The following SYN2 variants were observed in gnomAD, a reference collection of about 807,000 sequenced individuals.
The protein encoded by SYN2 is synapsin-2.
Under a neutral mutation model 50.9 loss-of-function variants are expected in SYN2, and 19 were observed. That is an observed-to-expected ratio of 0.37 (90% CI 0.26 to 0.55). The LOEUF (loss-of-function observed/expected upper bound fraction) is 0.55. Ranked by LOEUF, SYN2 falls within the 20% of genes least tolerant of loss-of-function variation. SYN2 has a pLI of 0.81. For missense variants in SYN2, 587 were observed against 576.4 expected (o/e 1.02, Z -0.19); for synonymous variants, 255 against 224.9 (o/e 1.13, Z -1.20).
intron 1 of SYN2, among the ~76,000 whole-genome samples, chr3:12,068,015 C>T (rs1342573321): frequency 1.3e-5 from 2 of 152,192 alleles, no homozygotes; most frequent in East Asian, 3.9e-4. Flanking sequence ...GCTGTGATTA[C>T]ATCACTGCAC....
At chr3:12,159,914 A>G (rs1330031491) in intron 5 of SYN2, among the ~76,000 whole-genome samples, 2 of 151,968 alleles carry the variant, frequency 1.3e-5, no homozygotes, top group Non-Finnish European at 2.9e-5. Context: ...GTGGTGGCCT[A>G]CACCTGTAGT....
intron 10 of SYN2, 121 bp from the exon 11 acceptor site, chr3:12,183,191 C>A: frequency 7.4e-7 from 1 of 1,357,896 alleles, no homozygotes. Flanking sequence ...GGCCAGATCC[C>A]ACTGGATCCC....
chr3:12,024,826 G>C (rs1443782538), intron 1 of SYN2, among the ~76,000 whole-genome samples: 1 of 152,118 alleles, frequency 6.6e-6, no homozygotes, highest in Non-Finnish European at 1.5e-5. Flanking sequence ...CTGGGTTATA[G>C]GGCATATGTA....
intron 1 of SYN2, among the ~76,000 whole-genome samples, chr3:12,097,461 C>T (rs1446778436): frequency 6.6e-6 from 1 of 152,022 alleles, no homozygotes; most frequent in African/African-American, 2.4e-5. Context: ...AAAAAATTGG[C>T]CGGGTGTGGT....
intron 1 of SYN2, among the ~76,000 whole-genome samples, chr3:12,106,648 G>T (rs1255184798): frequency 2.0e-5 from 3 of 152,030 alleles, no homozygotes; most frequent in African/African-American, 7.3e-5. Context: ...CTAGTCTCTA[G>T]CATAGTATAT....
intron 1 of SYN2, among the ~76,000 whole-genome samples, chr3:12,129,990 G>A (rs1432707463): frequency 6.6e-6 from 1 of 152,114 alleles, no homozygotes; most frequent in Admixed American, 6.5e-5. Flanking sequence ...ACACAGAGAA[G>A]GCAGCTGCAA....
intron 1 of SYN2, among the ~76,000 whole-genome samples, chr3:12,099,230 A>G (rs889157602): frequency 2.0e-5 from 3 of 152,212 alleles, no homozygotes; most frequent in South Asian, 2.1e-4. Flanking sequence ...AGAAATATCT[A>G]TAGAACACCC....
intron 5 of SYN2, among the ~76,000 whole-genome samples, chr3:12,160,348 A>T (rs997198651): frequency 6.6e-6 from 1 of 152,148 alleles, no homozygotes; most frequent in Non-Finnish European, 1.5e-5. Context: ...TCTTCTTCCC[A>T]TCCTTGGCTG....
chr3:12,050,408 C>T (rs1024043571), intron 1 of SYN2, among the ~76,000 whole-genome samples: 6 of 140,792 alleles, frequency 4.3e-5, no homozygotes, highest in South Asian at 2.3e-4. Flanking sequence ...TGCAGTGGTA[C>T]GATCTTGGCT....
intron 1 of SYN2, among the ~76,000 whole-genome samples, chr3:12,067,339 G>A (rs1047610964): frequency 6.6e-6 from 1 of 152,004 alleles, no homozygotes; most frequent in Non-Finnish European, 1.5e-5. Flanking sequence ...AACTCTATAT[G>A]AGAGGTAAAC....
intron 1 of SYN2, among the ~76,000 whole-genome samples, chr3:12,014,728 T>C (rs901596413): frequency 2.6e-5 from 4 of 152,182 alleles, no homozygotes. Flanking sequence ...AAAAGTTCCT[T>C]TGGGCTATTG....
chr3:12,161,182 A>C (rs1697637778), intron 5 of SYN2, among the ~76,000 whole-genome samples: 1 of 152,264 alleles, frequency 6.6e-6, no homozygotes, highest in African/African-American at 2.4e-5. Context: ...AGGTTTATTA[A>C]AGTACATCTA....
rs189756925 is a variant in SYN2, at chr3:12,034,602, G to A, written c.377+29674G>A. Among the ~76,000 whole-genome samples the A allele has an allele frequency of 4.9e-4, 74 of 152,272 alleles. 1 individual carries two copies. The highest frequency in any genetic ancestry group is 1.8e-3 in the African/African-American group (73 of 41,552). On this transcript the variant is annotated intron_variant, in intron 1 of 12. Coordinates refer to ENST00000621198, the MANE Select transcript of SYN2 (RefSeq NM_133625.6). ...GCCTTTTGGCTGCATCATAACATGG[G>A]GGAAGGCATGACATGGCATTACATT...
rs547694573 is a variant in SYN2 at position 12,176,418 on chromosome 3, G to A, written c.1308+6512G>A. Among the ~76,000 whole-genome samples, 315 of 152,294 alleles carry A rather than the reference G, an allele frequency of 2.1e-3. 1 individual carries two copies. Among genetic ancestry groups the A allele is most frequent in the African/African-American group, 6.5e-3 (269 of 41,542 alleles). On this transcript the variant is annotated intron_variant, in intron 10 of 12. Coordinates refer to ENST00000621198, the MANE Select transcript of SYN2 (RefSeq NM_133625.6). ...TCATGCAGGAATTTCAGACACTGAC[G>A]GGCTGAGGTGGGAACTGGTCTCTCT...
intron 7 of SYN2, among the ~76,000 whole-genome samples, chr3:12,166,766 A>G (rs1199500114): frequency 6.6e-6 from 1 of 152,210 alleles, no homozygotes; most frequent in Non-Finnish European, 1.5e-5. Flanking sequence ...GATTGATGGA[A>G]TTCAGTTTGT....
chr3:12,020,167 C>T (rs1234641629), intron 1 of SYN2, among the ~76,000 whole-genome samples: 5 of 152,182 alleles, frequency 3.3e-5, no homozygotes, highest in Admixed American at 6.5e-5. Context: ...AGAGGATTTT[C>T]ACTCCAGAGC....
At chr3:12,069,903 C>G (rs1198108240) in intron 1 of SYN2, among the ~76,000 whole-genome samples, 1 of 151,158 alleles carries the variant, frequency 6.6e-6, no homozygotes, top group Non-Finnish European at 1.5e-5. Flanking sequence ...ACCTCCCAGG[C>G]TCAGTCAATC....
At chr3:12,055,823 A>G (rs904906971) in intron 1 of SYN2, among the ~76,000 whole-genome samples, 4 of 152,236 alleles carry the variant, frequency 2.6e-5, no homozygotes, top group Non-Finnish European at 5.9e-5. Flanking sequence ...TGATAAAATT[A>G]GAGTATTACC....
At chr3:12,159,769 G>T (rs1270330005) in intron 5 of SYN2, among the ~76,000 whole-genome samples, 1 of 152,184 alleles carries the variant, frequency 6.6e-6, no homozygotes. Context: ...CAGGCTGGGC[G>T]TGGTGGCTCA....
Sources: allele counts gnomAD v4.1 joint callset (sites outside exome capture counted in the v4.1 genomes callset), GRCh38; gene constraint gnomAD v4.1.1; transcripts MANE v1.5; gene names NCBI Gene and HGNC (gene_info 2026-07-23, HGNC 2026-07-21).